Variants in CPAMD8 observed in about 807,000 individuals in gnomAD.
The protein encoded by CPAMD8 is C3 and PZP like alpha-2-macroglobulin domain containing 8, also known as C3 and PZP-like alpha-2-macroglobulin domain-containing protein 8.
In CPAMD8, 146 loss-of-function variants were observed where a neutral mutation model predicts 224.7. The observed-to-expected ratio is 0.65, with a 90% CI of 0.57 to 0.75. The LOEUF is 0.75. Ranked by LOEUF, CPAMD8 falls within the 30% of genes least tolerant of loss-of-function variation. The pLI, the probability that CPAMD8 is intolerant of heterozygous loss-of-function variation, is 0.00. For synonymous variants in CPAMD8, 966 were observed against 1,044.6 expected (o/e 0.92, Z 1.45); for missense variants, 2,301 against 2,537.5 (o/e 0.91, Z 2.00).
chr19:16,986,832 A>G (rs905652262), intron 13 of CPAMD8, among the ~76,000 whole-genome samples: 1 of 152,004 alleles, frequency 6.6e-6, no homozygotes, highest in Non-Finnish European at 1.5e-5. Flanking sequence ...CCAGTCCACA[A>G]AGTTAACAGA....
chr19:16,948,952 AGGGGAG>A (rs1251784903), intron 20 of CPAMD8, among the ~76,000 whole-genome samples: 1 of 41,800 alleles, frequency 2.4e-5, no homozygotes, highest in African/African-American at 9.8e-5. Flanking sequence ...CAGAGGGGGG[AGGGGAG>A]GGGGAGGGGA....
chr19:16,952,275 T>A (rs2054323566), intron 19 of CPAMD8, 75 bp from the exon 20 acceptor site: 3 of 830,250 alleles, frequency 3.6e-6, no homozygotes, highest in Non-Finnish European at 6.0e-6. Flanking sequence ...TGGGCATGGA[T>A]GACCCAGGCT....
At chr19:16,977,016 T>C (rs2055301455) in intron 15 of CPAMD8, among the ~76,000 whole-genome samples, 1 of 152,028 alleles carries the variant, frequency 6.6e-6, no homozygotes, top group African/African-American at 2.4e-5. Context: ...CACTCCAGCC[T>C]GGGTGACAGA....
chr19:16,893,359 T>A lies in CPAMD8; in HGVS notation c.5427-20A>T. ...GTGACCCTGGAGATGAGGTTTTATCTTACAACATCCTCTACAGCAAGTGGG... is the reference window on the plus strand; with the variant it reads ...GTGACCCTGGAGATGAGGTTTTATCATACAACATCCTCTACAGCAAGTGGG... On this transcript the variant is annotated intron_variant, in intron 41 of 41. Transcript: ENST00000443236. 1 of 1,474,208 alleles carries A rather than the reference T, an allele frequency of 6.8e-7. No homozygotes were observed. The allele number at this position is 1,474,208 out of a possible 1,614,324, so 91.3% of individuals were successfully genotyped here. A position where few individuals can be genotyped will look rare whatever the true frequency, so the allele number is the denominator to read the frequency against.
Position 16,902,731 on chromosome 19 carries a change from C to A in CPAMD8, c.4603G>T (p.Asp1535Tyr). 6.2e-7 allele frequency: 1 copy of A among 1,602,716 alleles called. No individual in the cohort carries two copies. Among genetic ancestry groups the A allele is most frequent in the Non-Finnish European group, 8.5e-7 (1 of 1,172,426 alleles). The change falls in exon 35 of 42, where the codon GAC (aspartate) becomes TAC (tyrosine). Residue 1535 changes from aspartate (D) to tyrosine (Y), a missense_variant. This residue lies in a region of CPAMD8 where 1,709 missense variants were observed against 1,753.2 expected (regional missense o/e 0.97). Transcript: ENST00000443236. ...PASAAEGSRG[D>Y]WPPADDDDPA... ...TCATCATCGTCAGCTGGGGGCCAGT[C>A]TCCTCGGGAACCCTCAGCTGCGGAG...
At chr19:17,008,699 G>T in intron 6 of CPAMD8, 140 bp from the exon 7 acceptor site, 2 of 946,114 alleles carry the variant, frequency 2.1e-6, no homozygotes, top group Non-Finnish European at 1.7e-6. Context: ...CATTAACCCC[G>T]GGGCAAAAAA....
At chr19:17,005,433 A>G (rs1415377212) in intron 7 of CPAMD8, among the ~76,000 whole-genome samples, 1 of 135,112 alleles carries the variant, frequency 7.4e-6, no homozygotes, top group Non-Finnish European at 1.5e-5. Context: ...GCACGCACAC[A>G]CTTTAGAACA....
chr19:16,961,423 G>A (rs1041570479), intron 18 of CPAMD8, among the ~76,000 whole-genome samples: 4 of 152,252 alleles, frequency 2.6e-5, no homozygotes, highest in South Asian at 2.1e-4. Flanking sequence ...TAGCACAGCA[G>A]TCTGAGATCG....
rs199530207 is a variant in CPAMD8, at chr19:16,952,092, C to T, written c.2385G>A (p.Glu795=). 2.4e-4 allele frequency: 369 copies of T among 1,558,866 alleles called. 2 individuals are homozygous for T. In the African/African-American group the frequency reaches 4.5e-3, roughly 19 times the overall value. ...LSTSQGLGIA[E]PSLLKTFKPF... ...GCTTGAAGGTCTTCAGCAGGGAGGG[C>T]TCGGCGATGCCTAAGCCCTGAGAGG... Residue 795 remains glutamate, a synonymous_variant, in exon 20 of 42, where the codon GAG becomes GAA. Coordinates refer to ENST00000443236, the MANE Select transcript of CPAMD8 (RefSeq NM_015692.5).
At position 16,893,138 on chromosome 19, in the gene CPAMD8, TA is replaced by T; in HGVS notation, c.5627del (p.Leu1876TyrfsTer9). ...PAFQSGGEEG[L>X]WMSNTCTLR ...TCAAGGTGCAGGTGTTTGACATCCA[TA>T]AACCCTCCTCCCCACCACTCTGAAA... On this transcript the variant is annotated frameshift_variant, in exon 42 of 42. Coordinates refer to ENST00000443236, the MANE Select transcript of CPAMD8 (RefSeq NM_015692.5). LOFTEE classifies it high-confidence loss of function. The T allele has an allele frequency of 6.5e-7, 1 of 1,543,950 alleles. No individual in the cohort carries two copies. Among genetic ancestry groups the T allele is most frequent in the Non-Finnish European group, 8.9e-7 (1 of 1,117,822 alleles).
In CPAMD8 at chr19:17,009,340, G is replaced by A. The variant is rs2056585035; in HGVS notation, c.487-20C>T. The A allele has an allele frequency of 1.2e-6, 2 of 1,614,050 alleles. No homozygotes were observed. On this transcript the variant is annotated intron_variant, in intron 5 of 41. Transcript: ENST00000443236. ...TTCCAGCTGTAATGAAGACACAGAT[G>A]CAGTGAGCAAATCTTCCAGCAAACC...
intron 15 of CPAMD8, among the ~76,000 whole-genome samples, chr19:16,977,102 A>C (rs16981520): frequency 6.6e-6 from 1 of 151,874 alleles, no homozygotes; most frequent in Non-Finnish European, 1.5e-5. Context: ...TGAGGGTGCC[A>C]ATGGAAACAA....
At chr19:16,945,713 G>T (rs1419415607) in intron 21 of CPAMD8, 34 bp from the exon 22 acceptor site, 1 of 1,610,998 alleles carries the variant, frequency 6.2e-7, no homozygotes, top group Non-Finnish European at 8.5e-7. Flanking sequence ...CTCAGAACAG[G>T]TCTCCACCCA....
intron 30 of CPAMD8, among the ~76,000 whole-genome samples, chr19:16,906,673 G>A (rs1311479873): frequency 2.0e-5 from 3 of 151,914 alleles, no homozygotes; most frequent in Non-Finnish European, 4.4e-5. Context: ...TTACAGGCGT[G>A]AGCCACCGCG....
chr19:16,985,787 G>T (rs2055700109), intron 13 of CPAMD8, among the ~76,000 whole-genome samples: 1 of 151,344 alleles, frequency 6.6e-6, no homozygotes, highest in Non-Finnish European at 1.5e-5. Flanking sequence ...AGGGAGAGAG[G>T]ATAGATGGAT....
intron 3 of CPAMD8, among the ~76,000 whole-genome samples, chr19:17,017,856 C>T (rs1177246995): frequency 3.9e-5 from 6 of 152,050 alleles, no homozygotes; most frequent in Non-Finnish European, 8.8e-5. Context: ...CATGATGAAA[C>T]CCCATCTCTA....
chr19:16,917,473 C>T (rs905998790), intron 27 of CPAMD8, among the ~76,000 whole-genome samples: 7 of 152,036 alleles, frequency 4.6e-5, no homozygotes, highest in African/African-American at 1.7e-4. Context: ...TATGGCCGGG[C>T]GAGGTGGCTC....
chr19:16,904,238 G>A lies in CPAMD8; in HGVS notation c.4239C>T (p.Phe1413=), dbSNP rs1360505935. 6.2e-7 allele frequency: 1 copy of A among 1,611,996 alleles called. No homozygotes were observed. Among genetic ancestry groups the A allele is most frequent in the East Asian group, 2.2e-5 (1 of 44,802 alleles). The part of the protein sequence containing the change: ...LSQQRNALGG[F]SSTQDTCVAL... ...CTGCCCGGCTCGCCTGAGTGGAGGA[G>A]AAGCCCCCAAGTGCATTTCGCTGCT... The change falls in exon 32 of 42, where the codon TTC becomes TTT. Residue 1413 remains phenylalanine, a synonymous_variant. Transcript: ENST00000443236.
intron 3 of CPAMD8, among the ~76,000 whole-genome samples, chr19:17,017,062 G>T (rs370566223): frequency 6.6e-6 from 1 of 152,028 alleles, no homozygotes. Flanking sequence ...ATTTACAGCC[G>T]CTCCCCATCA....
Sources: allele counts gnomAD v4.1 joint callset (sites outside exome capture counted in the v4.1 genomes callset), GRCh38; gene constraint gnomAD v4.1.1; regional missense constraint gnomAD v4.1.1; transcripts MANE v1.5; gene names NCBI Gene and HGNC (gene_info 2026-07-23, HGNC 2026-07-21).